EEF2: variants seen among roughly 807,000 people sequenced by gnomAD.
EEF2 encodes elongation factor 2.
In EEF2, 21 loss-of-function variants were observed where a neutral mutation model predicts 85.3. That is an observed-to-expected ratio of 0.25 (90% CI 0.17 to 0.35). The LOEUF is 0.35. EEF2 is among the 10% of genes least tolerant of loss of function. The probability of loss-of-function intolerance (pLI) is 1.00; values close to 1 mark genes in which losing one functional copy is unlikely to be tolerated. For synonymous variants in EEF2, 723 were observed against 508.8 expected (o/e 1.42, Z -5.67); for missense variants, 825 against 1,225.3 (o/e 0.67, Z 4.88).
intron 7 of EEF2, 55 bp from the exon 8 acceptor site, chr19:3,981,034 C>T: frequency 1.3e-6 from 2 of 1,532,606 alleles, no homozygotes; most frequent in South Asian, 1.2e-5. Context: ...GATGGCCCCA[C>T]CCCGTACACG....
At chr19:3,982,657 G>A (rs2039768896) in intron 4 of EEF2, 150 bp downstream of exon 4, 2 of 1,122,088 alleles carry the variant, frequency 1.8e-6, no homozygotes, top group South Asian at 1.4e-5. Flanking sequence ...GCTGGGTCAA[G>A]TCGGATGAAA....
In EEF2 at chr19:3,985,400, T is replaced by G. The variant is rs771270136; in HGVS notation, c.-20A>C. On this transcript the variant is annotated 5_prime_UTR_variant, in exon 1 of 15. Transcript: ENST00000309311. ...CACCATGGTGGCGGATGGCGGTGGA[T>G]TCTCCCAGGTAGAACCGAAAGAAGC... 8.0e-6 allele frequency: 12 copies of G among 1,502,842 alleles called. No homozygotes were observed. Among genetic ancestry groups the G allele is most frequent in the East Asian group, 2.7e-5 (1 of 37,138 alleles). 93.1% of individuals were successfully genotyped at this position (1,502,842 alleles called of 1,614,324 possible).
rs374797871 is a variant in EEF2 at position 3,985,414 on chromosome 19, A to G, written c.-34T>C. The stretch of plus-strand genomic sequence containing the variant: ...ATGGCGGTGGATTCTCCCAGGTAGA[A>G]CCGAAAGAAGCGAGTCGCGCCGAGG... On this transcript the variant is annotated 5_prime_UTR_variant, in exon 1 of 15. Coordinates refer to ENST00000309311, the MANE Select transcript of EEF2 (RefSeq NM_001961.4). The G allele has an allele frequency of 2.9e-5, 43 of 1,487,930 alleles. No homozygotes were observed. The African/African-American group carries it at 5.7e-4, about 20-fold the overall frequency. The allele number at this position is 1,487,930 out of a possible 1,614,324, so 92.2% of individuals were successfully genotyped here. A position where few individuals can be genotyped will look rare whatever the true frequency, so the allele number is the denominator to read the frequency against.
rs550110873 is a variant in EEF2, at chr19:3,985,002, C to A, written c.3+376G>T. 2.1e-5 allele frequency: 6 copies of A among 285,154 alleles called. 1 individual carries two copies. The highest frequency in any genetic ancestry group is 2.0e-5 in the Non-Finnish European group (3 of 153,246). The allele number at this position is 285,154 out of a possible 1,614,324, so 17.7% of individuals were successfully genotyped here. A position where few individuals can be genotyped will look rare whatever the true frequency, so the allele number is the denominator to read the frequency against. On this transcript the variant is annotated intron_variant, in intron 1 of 14. Coordinates refer to ENST00000309311, the MANE Select transcript of EEF2 (RefSeq NM_001961.4). Reference sequence around the variant, plus strand: ...TCTGCCATTCCCTGCCGCCCCTAGTCCCCCGGCAGAAAATCGATCTCAAAC... The same window carrying A: ...TCTGCCATTCCCTGCCGCCCCTAGTACCCCGGCAGAAAATCGATCTCAAAC...
chr19:3,981,037 C>T lies in EEF2; in HGVS notation c.1012-58G>A, dbSNP rs888337222. 4.6e-5 allele frequency: 70 copies of T among 1,527,272 alleles called. No individual in the cohort carries two copies. The African/African-American group carries it at 6.2e-4, about 14-fold the overall frequency. The allele number at this position is 1,527,272 out of a possible 1,614,324, so 94.6% of individuals were successfully genotyped here. On this transcript the variant is annotated intron_variant, in intron 7 of 14. Coordinates refer to ENST00000309311, the MANE Select transcript of EEF2 (RefSeq NM_001961.4). ...TGGGGAGCCCAGGATGGCCCCACCCCGTACACGCTTCCTCTCTTGAAGCCA... is the reference window on the plus strand; with the variant it reads ...TGGGGAGCCCAGGATGGCCCCACCCTGTACACGCTTCCTCTCTTGAAGCCA...
intron 14 of EEF2, among the ~76,000 whole-genome samples, chr19:3,976,996 C>CT (rs2039686858): frequency 6.6e-6 from 1 of 152,238 alleles, no homozygotes; most frequent in African/African-American, 2.4e-5. Flanking sequence ...TTCAGAGCTC[C>CT]AGGCCCAGAG....
In EEF2 at chr19:3,978,025, C is replaced by G; in HGVS notation, c.1861G>C (p.Glu621Gln). The G allele has an allele frequency of 6.2e-7, 1 of 1,606,180 alleles. No homozygotes were observed. Among genetic ancestry groups the G allele is most frequent in the Non-Finnish European group, 8.5e-7 (1 of 1,174,936 alleles). The change falls in exon 12 of 15, where the codon GAG (glutamate) becomes CAG (glutamine). Residue 621 changes from glutamate to glutamine, a missense_variant. By Grantham distance (29) the Glu-to-Gln change is conservative. Coordinates refer to ENST00000309311, the MANE Select transcript of EEF2 (RefSeq NM_001961.4). ...TTGAGCTCCTGACGGGCGGACACCT[C>G]GCCTTTATCGATGTCCTCGGCCAGG... ...DGLAEDIDKG[E>Q]VSARQELKQR...
Position 3,983,022 on chromosome 19 carries a change from G to C in EEF2, c.401-4C>G. 1.9e-6 allele frequency: 3 copies of C among 1,612,666 alleles called. No individual in the cohort carries two copies. Among genetic ancestry groups the C allele is most frequent in the Non-Finnish European group, 2.5e-6 (3 of 1,179,846 alleles). ...GTCTCCGTCTGCACGCACACGCCTG[G>C]GGACACGGGGGACAGGGCGGCGCTG... On this transcript the variant is annotated splice_polypyrimidine_tract_variant and splice_region_variant and intron_variant, in intron 3 of 14. Coordinates refer to ENST00000309311, the MANE Select transcript of EEF2 (RefSeq NM_001961.4).
Position 3,982,274 on chromosome 19 carries a change from C to T in EEF2, c.763G>A (p.Asp255Asn), listed in dbSNP as rs1201826649. The change falls in exon 5 of 15, where the codon GAC becomes AAC. Residue 255 changes from aspartate to asparagine, a missense_variant. Physicochemically the swap from Asp to Asn is conservative, Grantham distance 23. Transcript: ENST00000309311. ...GPAERAKKVE[D>N]MMKKLWGDRY... ...TCACCCCACAGCTTCTTCATCATGT[C>T]CTCTACTTTCTTGGCCCGCTCGGCA... 1.2e-6 allele frequency: 2 copies of T among 1,614,228 alleles called. No individual in the cohort carries two copies. Among genetic ancestry groups the T allele is most frequent in the African/African-American group, 1.3e-5 (1 of 75,078 alleles).
chr19:3,981,488 G>A lies in EEF2; in HGVS notation c.898-36C>T, dbSNP rs771326425. On this transcript the variant is annotated intron_variant, in intron 6 of 14. Transcript: ENST00000309311. Reference sequence around the variant, plus strand: ...CACCAAGAAACAAGAAAGCCCATTTGGGAACAGCAGGAGGAAGCCTGGCAC... The same window carrying A: ...CACCAAGAAACAAGAAAGCCCATTTAGGAACAGCAGGAGGAAGCCTGGCAC... 4.4e-6 allele frequency: 7 copies of A among 1,587,680 alleles called. No homozygotes were observed. The South Asian group carries it at 5.5e-5, about 13-fold the overall frequency.
Position 3,982,421 on chromosome 19 carries a change from C to A in EEF2, c.616G>T (p.Asp206Tyr). Residue 206 changes from aspartate (D) to tyrosine (Y), a missense_variant, in exon 5 of 15, where the codon GAT becomes TAT. Transcript: ENST00000309311. ...ESGPMGNIMI[D>Y]PVLGTVGFGS... is the part of the protein sequence containing the mutation. ...AAGCCCACGGTACCGAGGACAGGATCGATCTGGAAGTGTGAGAAACGAGAA... is the reference window on the plus strand; with the variant it reads ...AAGCCCACGGTACCGAGGACAGGATAGATCTGGAAGTGTGAGAAACGAGAA... 1 of 1,614,046 alleles carries A rather than the reference C, an allele frequency of 6.2e-7. No individual in the cohort carries two copies. Among genetic ancestry groups the A allele is most frequent in the East Asian group, 2.2e-5 (1 of 44,886 alleles).
intron 14 of EEF2, 90 bp from the exon 15 acceptor site, chr19:3,976,837 G>T: frequency 1.5e-6 from 2 of 1,368,194 alleles, no homozygotes; most frequent in Non-Finnish European, 1.9e-6. Flanking sequence ...TAGTTCCTCA[G>T]CCTGAGTCAC....
Position 3,976,359 on chromosome 19 carries a change from G to C in EEF2, c.*195C>G. On this transcript the variant is annotated 3_prime_UTR_variant, in exon 15 of 15. Coordinates refer to ENST00000309311, the MANE Select transcript of EEF2 (RefSeq NM_001961.4). ...CTAAGAGGGCGTGTCTGCTGCCTCC[G>C]GACTCTGGAAATAAATATTGAAAGA... 2 of 409,992 alleles carry C rather than the reference G, an allele frequency of 4.9e-6. No homozygotes were observed. Among genetic ancestry groups the C allele is most frequent in the Non-Finnish European group, 8.3e-6 (2 of 240,134 alleles). 25.4% of individuals were successfully genotyped at this position (409,992 alleles called of 1,614,324 possible).
chr19:3,981,371 C>T lies in EEF2; in HGVS notation c.979G>A (p.Asp327Asn), dbSNP rs773614862. 100 of 1,614,126 alleles carry T rather than the reference C, an allele frequency of 6.2e-5. No homozygotes were observed. The highest frequency in any genetic ancestry group is 8.8e-5 in the South Asian group (8 of 91,086). The change falls in exon 7 of 15, where the codon GAC (aspartate) becomes AAC (asparagine). Residue 327 changes from aspartate (D) to asparagine (N), a missense_variant. Asp to Asn is a conservative substitution (Grantham distance 23, BLOSUM62 1). Transcript: ENST00000309311. ...EKLDIKLDSE[D>N]KDKEGKPLLK... ...AGGGGTTTGCCTTCTTTGTCCTTGT[C>T]CTCGCTGTCCAGTTTGATGTCCAGT...
intron 9 of EEF2, 39 bp from the exon 10 acceptor site, chr19:3,980,105 G>A (rs2039726801): frequency 6.3e-7 from 1 of 1,596,696 alleles, no homozygotes; most frequent in African/African-American, 1.3e-5. Flanking sequence ...CGCAGGGATG[G>A]TTGTGCTGGA....
At chr19:3,980,241 A>G (rs2039728248) in intron 9 of EEF2, among the ~76,000 whole-genome samples, 175 bp from the exon 10 acceptor site, 1 of 152,176 alleles carries the variant, frequency 6.6e-6, no homozygotes, top group South Asian at 2.1e-4. Context: ...TCCTCTTCAG[A>G]ATCACTGCCC....
chr19:3,976,617 G>C lies in EEF2; in HGVS notation c.2514C>G (p.Thr838=). 1.2e-6 allele frequency: 2 copies of C among 1,610,872 alleles called. No homozygotes were observed. Among genetic ancestry groups the C allele is most frequent in the Non-Finnish European group, 1.7e-6 (2 of 1,178,850 alleles). The part of the protein sequence containing the change: ...SSRPSQVVAE[T]RKRKGLKEGI... ...CTTCTTTCAGGCCCTTGCGCTTGCG[G>C]GTCTCCGCCACCACCTGGCTGGGGC... Residue 838 remains threonine (T), a synonymous_variant, in exon 15 of 15, where the codon ACC becomes ACG. Transcript: ENST00000309311.
At chr19:3,978,448 T>C (rs902292206) in intron 11 of EEF2, among the ~76,000 whole-genome samples, 6 of 152,290 alleles carry the variant, frequency 3.9e-5, no homozygotes, top group South Asian at 2.1e-4. Context: ...GGAGCAGGCC[T>C]GTCCCAACCC....
chr19:3,976,558 A>G lies in EEF2; in HGVS notation c.2573T>C (p.Leu858Ser). The change falls in exon 15 of 15, where the codon TTG becomes TCG. Residue 858 changes from leucine (L) to serine (S), a missense_variant. Coordinates refer to ENST00000309311, the MANE Select transcript of EEF2 (RefSeq NM_001961.4). ...IPALDNFLDK[L>S] ...AGGCGCTGCAGGAAGGGCCGCCTAC[A>G]ATTTGTCCAGGAAGTTGTCCAGGGC... 2 of 1,605,410 alleles carry G rather than the reference A, an allele frequency of 1.2e-6. No homozygotes were observed. The highest frequency in any genetic ancestry group is 1.7e-6 in the Non-Finnish European group (2 of 1,176,286).
Sources: gnomAD v4.1 joint callset for allele counts (sites outside exome capture counted in the v4.1 genomes callset) on GRCh38, gnomAD v4.1.1 for gene constraint, MANE v1.5 for transcripts, NCBI Gene and HGNC (gene_info 2026-07-23, HGNC 2026-07-21) for gene names.